PIK3CB: variants seen among roughly 807,000 people sequenced by gnomAD.
The protein encoded by PIK3CB is phosphatidylinositol-4,5-bisphosphate 3-kinase catalytic subunit beta.
In PIK3CB, 39 loss-of-function variants were observed where a neutral mutation model predicts 136.8. The ratio of observed to expected loss-of-function variants is 0.29; its 90% confidence interval spans 0.22 to 0.37. PIK3CB has a LOEUF of 0.37. Among genes scored for constraint, PIK3CB ranks in the 10% least tolerant of loss-of-function variants. The probability of loss-of-function intolerance (pLI) is 1.00; values close to 1 mark genes in which losing one functional copy is unlikely to be tolerated. For synonymous variants in PIK3CB, 428 were observed against 436.6 expected, an observed-to-expected ratio of 0.98 and a Z score of 0.25; for missense variants, 868 against 1,275.4, an observed-to-expected ratio of 0.68 and a Z score of 4.87.
chr3:138,799,711 T>C (rs948968002), intron 1 of PIK3CB, among the ~76,000 whole-genome samples: 3 of 152,150 alleles, frequency 2.0e-5, no homozygotes, highest in Non-Finnish European at 2.9e-5. Flanking sequence ...AGGTTCTTGC[T>C]CTGTCACCCA....
chr3:138,667,130 A>C (rs892709429), intron 19 of PIK3CB, among the ~76,000 whole-genome samples: 1 of 147,100 alleles, frequency 6.8e-6, no homozygotes, highest in Non-Finnish European at 1.5e-5. Context: ...AATCGCTTGA[A>C]CCCAGGAGGC....
intron 21 of PIK3CB, among the ~76,000 whole-genome samples, chr3:138,663,588 AC>A (rs1276624677): frequency 3.3e-5 from 5 of 151,934 alleles, no homozygotes; most frequent in African/African-American, 1.2e-4. Flanking sequence ...CGCCATGTTG[AC>A]CAGGCTGGTC....
intron 1 of PIK3CB, among the ~76,000 whole-genome samples, chr3:138,827,700 C>T (rs1290369806): frequency 6.6e-6 from 1 of 151,230 alleles, no homozygotes; most frequent in Non-Finnish European, 1.5e-5. Flanking sequence ...AACAAAAAGG[C>T]CGGGCCCGGG....
chr3:138,826,298 A>C, intron 1 of PIK3CB: 2 of 1,597,460 alleles, frequency 1.3e-6, no homozygotes, highest in East Asian at 4.5e-5. Flanking sequence ...AAGGTCACCA[A>C]GTCTGCCCAG....
At chr3:138,739,733 T>G (rs553092673) in intron 5 of PIK3CB, among the ~76,000 whole-genome samples, 63 of 149,878 alleles carry the variant, frequency 4.2e-4, no homozygotes, top group African/African-American at 1.5e-3. Flanking sequence ...AAACCCTGCC[T>G]CTACTAAAAA....
At chr3:138,693,965 ATT>A (rs1559819785) in intron 14 of PIK3CB, among the ~76,000 whole-genome samples, 4 of 27,406 alleles carry the variant, frequency 1.5e-4, no homozygotes, top group Middle Eastern at 0.028. Context: ...ATATATATAT[ATT>A]ATATATATAT....
rs951214242 is a variant in PIK3CB, at chr3:138,673,810, A to G, written c.2504+8157T>C. ...TAGCCTTGACAACAAATAGCCCACAATCATGGTGAATGCATGTCTGACAGC... is the reference window on the plus strand; with the variant it reads ...TAGCCTTGACAACAAATAGCCCACAGTCATGGTGAATGCATGTCTGACAGC... On this transcript the variant is annotated intron_variant, in intron 19 of 23. Transcript: ENST00000674063. Among the ~76,000 whole-genome samples the G allele has an allele frequency of 1.2e-4, 18 of 152,296 alleles. 1 individual carries two copies. The highest frequency in any genetic ancestry group is 4.1e-4 in the African/African-American group (17 of 41,562).
chr3:138,776,981 TA>T (rs546535571), intron 2 of PIK3CB, among the ~76,000 whole-genome samples: 3 of 150,698 alleles, frequency 2.0e-5, no homozygotes, highest in African/African-American at 7.3e-5. Context: ...AAAAGTAGCT[TA>T]AAAAAATTGT....
intron 15 of PIK3CB, among the ~76,000 whole-genome samples, chr3:138,690,220 C>T (rs1353116964): frequency 3.4e-5 from 5 of 146,190 alleles, no homozygotes; most frequent in African/African-American, 1.3e-4. Context: ...TTGAGAAGCT[C>T]AGCAAAGAAA....
At chr3:138,716,755 G>A (rs554622007) in intron 8 of PIK3CB, among the ~76,000 whole-genome samples, 6 of 151,726 alleles carry the variant, frequency 4.0e-5, no homozygotes, top group Admixed American at 2.0e-4. Flanking sequence ...AATTAGCTGG[G>A]TGTGGTGGAG....
chr3:138,803,764 G>GCCT (rs1232268648), intron 1 of PIK3CB, among the ~76,000 whole-genome samples: 1 of 152,022 alleles, frequency 6.6e-6, no homozygotes, highest in Admixed American at 6.6e-5. Flanking sequence ...CCTTCTCTGG[G>GCCT]CCTCCATTCT....
At chr3:138,668,157 G>A (rs563656629) in intron 19 of PIK3CB, among the ~76,000 whole-genome samples, 1 of 152,056 alleles carries the variant, frequency 6.6e-6, no homozygotes, top group African/African-American at 2.4e-5. Context: ...AGAGAATGAA[G>A]CATTCTCCTA....
chr3:138,803,832 C>A (rs2046202470), intron 1 of PIK3CB, among the ~76,000 whole-genome samples: 1 of 152,168 alleles, frequency 6.6e-6, no homozygotes, highest in African/African-American at 2.4e-5. Flanking sequence ...TTCAGAAAGT[C>A]TCTGTGGCTT....
intron 1 of PIK3CB, among the ~76,000 whole-genome samples, chr3:138,811,795 A>C (rs1933077081): frequency 6.7e-6 from 1 of 148,780 alleles, no homozygotes; most frequent in Non-Finnish European, 1.5e-5. Context: ...ATGCTGACTG[A>C]AAAAAAAAAC....
intron 2 of PIK3CB, among the ~76,000 whole-genome samples, chr3:138,767,682 A>G (rs1559870715): frequency 1.3e-5 from 2 of 152,208 alleles, no homozygotes; most frequent in Non-Finnish European, 2.9e-5. Context: ...CAGACTTGCC[A>G]GCTGCTGCAG....
intron 5 of PIK3CB, among the ~76,000 whole-genome samples, chr3:138,741,693 T>C (rs1247248141): frequency 6.6e-6 from 1 of 152,150 alleles, no homozygotes; most frequent in African/African-American, 2.4e-5. Flanking sequence ...CCAGGTGTGA[T>C]GGCAGGCGCC....
intron 6 of PIK3CB, among the ~76,000 whole-genome samples, chr3:138,735,576 C>T (rs905349636): frequency 2.6e-5 from 4 of 152,100 alleles, no homozygotes; most frequent in Non-Finnish European, 4.4e-5. Flanking sequence ...TCACAGAGCT[C>T]TAGGCAAGTA....
intron 18 of PIK3CB, among the ~76,000 whole-genome samples, 167 bp from the exon 19 acceptor site, chr3:138,682,212 G>C (rs925822848): frequency 3.9e-5 from 6 of 152,190 alleles, no homozygotes; most frequent in African/African-American, 1.2e-4. Flanking sequence ...ATGTCCCTGT[G>C]ACATTATTTC....
chr3:138,713,544 G>T (rs947227581), intron 9 of PIK3CB, among the ~76,000 whole-genome samples: 6 of 151,960 alleles, frequency 3.9e-5, no homozygotes, highest in Admixed American at 2.0e-4. Context: ...GGTAACGGGT[G>T]CCTGTAACCC....
Sources: allele counts gnomAD v4.1 joint callset (sites outside exome capture counted in the v4.1 genomes callset), GRCh38; gene constraint gnomAD v4.1.1; transcripts MANE v1.5; gene names NCBI Gene and HGNC (gene_info 2026-07-23, HGNC 2026-07-21).